WIPF3: variants seen among roughly 807,000 people sequenced by gnomAD.
WIPF3 encodes the protein WAS/WASL interacting protein family member 3, also known as WAS/WASL-interacting protein family member 3.
Under a neutral mutation model 38.9 loss-of-function variants are expected in WIPF3, and 33 were observed. The observed-to-expected ratio is 0.85, with a 90% confidence interval of 0.64 to 1.14. The LOEUF (loss-of-function observed/expected upper bound fraction) is 1.14, where lower values mean the gene tolerates loss of function less well. WIPF3 is among the 50% of genes most tolerant of loss of function. WIPF3 has a pLI of 0.00. For synonymous variants in WIPF3, 324 were observed against 269.3 expected (o/e 1.20, Z -1.99); for missense variants, 711 against 652.5 (o/e 1.09, Z -0.98).
chr7:29,839,517 G>A (rs1784882087), intron 2 of WIPF3, among the ~76,000 whole-genome samples: 1 of 152,170 alleles, frequency 6.6e-6, no homozygotes, highest in Non-Finnish European at 1.5e-5. Context: ...GATACAAGGA[G>A]GCGCACAGAG....
intron 2 of WIPF3, among the ~76,000 whole-genome samples, chr7:29,853,975 G>A (rs368399804): frequency 1.3e-5 from 2 of 152,172 alleles, no homozygotes; most frequent in African/African-American, 2.4e-5. Context: ...GGGATCTCAC[G>A]AAGTTTAAAC....
chr7:29,817,857 A>G (rs1011261279), intron 1 of WIPF3, among the ~76,000 whole-genome samples: 1 of 152,306 alleles, frequency 6.6e-6, no homozygotes. Context: ...CATTATGATC[A>G]CCTTAAATTT....
chr7:29,884,133 G>T lies in WIPF3; in HGVS notation c.639G>T (p.Pro213=). The T allele has an allele frequency of 1.3e-6, 2 of 1,513,936 alleles. No homozygotes were observed. Among genetic ancestry groups the T allele is most frequent in the Non-Finnish European group, 1.8e-6 (2 of 1,128,228 alleles). 93.8% of individuals were successfully genotyped at this position (1,513,936 alleles called of 1,614,324 possible). A position where few individuals can be genotyped will look rare whatever the true frequency, so the allele number is the denominator to read the frequency against. Residue 213 remains proline, a synonymous_variant, in exon 5 of 9, where the codon CCG becomes CCT. Transcript: ENST00000242140. ...GCCCACTGACCAAAGGGAACCTCCC[G>T]GTGGTTGCACCCCCCGTCCCCTGTG... The part of the protein sequence containing the change: ...PPGPLTKGNL[P]VVAPPVPCAP...
intron 2 of WIPF3, among the ~76,000 whole-genome samples, chr7:29,858,568 G>A: frequency 6.6e-6 from 1 of 152,174 alleles, no homozygotes; most frequent in Non-Finnish European, 1.5e-5. Context: ...TAGTTGGTCT[G>A]TTCCATTAAG....
rs141174377 is a variant in WIPF3 at position 29,902,265 on chromosome 7, C to CTTTTTTTTTTTTTTTTTTTTTTTTT, written c.1352-2019_1352-2018insTTTTTTTTTTTTTTTTTTTTTTTTT. Among the ~76,000 whole-genome samples the CTTTTTTTTTTTTTTTTTTTTTTTTT allele has an allele frequency of 2.6e-5, 3 of 116,392 alleles. 1 individual carries two copies. Among genetic ancestry groups the CTTTTTTTTTTTTTTTTTTTTTTTTT allele is most frequent in the African/African-American group, 8.9e-5 (3 of 33,582 alleles). The allele number at this position is 116,392 out of a possible 152,430, so 76.4% of individuals were successfully genotyped here. Reference sequence around the variant, plus strand: ...GGCTGTATATTAGTGTTTTCTTCTTCTTCTTCTTCTTTTTTTTTTTTTTTT... The same window carrying CTTTTTTTTTTTTTTTTTTTTTTTTT: ...GGCTGTATATTAGTGTTTTCTTCTTCTTTTTTTTTTTTTTTTTTTTTTTTTTTCTTCTTCTTTTTTTTTTTTTTTT... On this transcript the variant is annotated intron_variant, in intron 7 of 8. Transcript: ENST00000242140.
chr7:29,883,011 A>C (rs1785754513), intron 4 of WIPF3, among the ~76,000 whole-genome samples: 1 of 152,186 alleles, frequency 6.6e-6, no homozygotes, highest in African/African-American at 2.4e-5. Flanking sequence ...AAGGGTGAGA[A>C]CTGGCAAAAA....
At chr7:29,825,059 G>A (rs908723183) in intron 1 of WIPF3, among the ~76,000 whole-genome samples, 17 of 152,218 alleles carry the variant, frequency 1.1e-4, no homozygotes, top group South Asian at 4.1e-4. Flanking sequence ...TACGTACAAC[G>A]TGAAAAGTTA....
At position 29,831,696 on chromosome 7, in the gene WIPF3, T is replaced by A. The variant is rs182055007; in HGVS notation, c.-57-2972T>A. Among the ~76,000 whole-genome samples, 181 of 152,352 alleles carry A rather than the reference T, an allele frequency of 1.2e-3. 2 individuals carry two copies. The highest frequency in any genetic ancestry group is 4.1e-3 in the African/African-American group (170 of 41,588). ...GTCTAATCAGGTGTTTGGCAGGTAG[T>A]CTTACAGGTGAGTCAGGGACCCGGA... On this transcript the variant is annotated intron_variant, in intron 1 of 8. Coordinates refer to ENST00000242140, the MANE Select transcript of WIPF3 (RefSeq NM_001080529.3).
At chr7:29,850,467 G>A (rs1583602582) in intron 2 of WIPF3, among the ~76,000 whole-genome samples, 1 of 152,284 alleles carries the variant, frequency 6.6e-6, no homozygotes, top group African/African-American at 2.4e-5. Flanking sequence ...GGAAGAGAAG[G>A]TTTTGGAGCC....
intron 7 of WIPF3, among the ~76,000 whole-genome samples, chr7:29,902,265 C>CTTTTTT (rs141174377): frequency 5.2e-5 from 6 of 116,452 alleles, no homozygotes; most frequent in East Asian, 3.0e-4. Flanking sequence ...TTTTCTTCTT[C>CTTTTTT]TTCTTCTTCT....
At position 29,878,949 on chromosome 7, in the gene WIPF3, G is replaced by T. The variant is rs1785660733; in HGVS notation, c.224-60G>T. ...CCAGTGTTAGACCATGGTCTGAAAT[G>T]AGACCTGGCTGCTCAGCTCTGCTCT... On this transcript the variant is annotated intron_variant, in intron 3 of 8. Transcript: ENST00000242140. This position sits in a 1 kb window ranked among gnomAD's most constrained non-coding sequence, Gnocchi z 4.0. 2 of 1,538,882 alleles carry T rather than the reference G, an allele frequency of 1.3e-6. No homozygotes were observed. Among genetic ancestry groups the T allele is most frequent in the Non-Finnish European group, 1.8e-6 (2 of 1,132,534 alleles).
chr7:29,910,766 C>T (rs1786491150), intron 8 of WIPF3, among the ~76,000 whole-genome samples: 1 of 151,982 alleles, frequency 6.6e-6, no homozygotes, highest in Non-Finnish European at 1.5e-5. Flanking sequence ...GAAGGAAACT[C>T]CCTTAACATA....
intron 2 of WIPF3, among the ~76,000 whole-genome samples, chr7:29,849,780 T>C (rs186363563): frequency 9.2e-5 from 14 of 152,372 alleles, no homozygotes; most frequent in African/African-American, 2.9e-4. Context: ...TCATCTGAAC[T>C]ATTAAGAGAC....
intron 2 of WIPF3, among the ~76,000 whole-genome samples, chr7:29,855,525 A>G (rs1312315123): frequency 1.3e-5 from 2 of 152,222 alleles, no homozygotes; most frequent in East Asian, 3.8e-4. Context: ...ACAGTCTTTC[A>G]GTAATCACAA....
chr7:29,855,160 G>A (rs1228364774), intron 2 of WIPF3, among the ~76,000 whole-genome samples: 1 of 152,182 alleles, frequency 6.6e-6, no homozygotes, highest in East Asian at 1.9e-4. Flanking sequence ...AGGGGTAAAC[G>A]TATTTTTCTT....
rs950926034 is a variant in WIPF3, at chr7:29,872,465, G to A, written c.91-3365G>A. On this transcript the variant is annotated intron_variant, in intron 2 of 8. Coordinates refer to ENST00000242140, the MANE Select transcript of WIPF3 (RefSeq NM_001080529.3). ...ACAAAATTGTTAATTCCTTCCTGCC[G>A]CACAGGAGAGGAGAGGATTGGCGAA... 5.3e-5 allele frequency among the ~76,000 whole-genome samples: 8 copies of A among 152,150 alleles called. No individual in the cohort carries two copies. In the East Asian group the frequency reaches 9.6e-4, roughly 18 times the overall value.
At chr7:29,807,659 G>A (rs1784304471) in intron 1 of WIPF3, among the ~76,000 whole-genome samples, 1 of 152,224 alleles carries the variant, frequency 6.6e-6, no homozygotes, top group African/African-American at 2.4e-5. Flanking sequence ...GGCCAGGAGA[G>A]CGGTTCCATG....
intron 2 of WIPF3, among the ~76,000 whole-genome samples, chr7:29,872,529 T>TA (rs1333427066): frequency 2.0e-5 from 3 of 152,128 alleles, no homozygotes; most frequent in East Asian, 3.9e-4. Flanking sequence ...CACAGTGGCT[T>TA]ACGCCTGTAA....
At chr7:29,852,919 A>G (rs774611170) in intron 2 of WIPF3, among the ~76,000 whole-genome samples, 1 of 152,236 alleles carries the variant, frequency 6.6e-6, no homozygotes, top group Non-Finnish European at 1.5e-5. Flanking sequence ...TTTTGCTGTC[A>G]GCAGTGTGAC....
Sources: gnomAD v4.1 joint callset for allele counts (sites outside exome capture counted in the v4.1 genomes callset) on GRCh38, gnomAD v4.1.1 for gene constraint, Gnocchi (gnomAD v3.1) non-coding constraint, MANE v1.5 for transcripts, NCBI Gene and HGNC (gene_info 2026-07-23, HGNC 2026-07-21) for gene names.